Variants in NIN observed in about 807,000 individuals in gnomAD.
The protein encoded by NIN is glycogen synthase kinase 3 beta-interacting protein.
Under a neutral mutation model 257.6 loss-of-function variants are expected in NIN, and 137 were observed. The ratio of observed to expected loss-of-function variants is 0.53; its 90% CI spans 0.46 to 0.61. NIN has a LOEUF of 0.61. NIN is among the 20% of genes least tolerant of loss of function. The pLI, the probability that NIN is intolerant of heterozygous loss-of-function variation, is 0.00. For missense variants in NIN, 2,439 were observed against 2,501.2 expected (o/e 0.98, Z 0.53); for synonymous variants, 918 against 919.8 (o/e 1.00, Z 0.04).
chr14:50,751,722 T>C (rs1362065151), intron 21 of NIN, among the ~76,000 whole-genome samples: 1 of 152,188 alleles, frequency 6.6e-6, no homozygotes, highest in East Asian at 1.9e-4. Flanking sequence ...AGATGGAGTC[T>C]TGTTATGTTG....
chr14:50,795,930 G>A (rs2043818319), intron 4 of NIN, among the ~76,000 whole-genome samples: 1 of 152,202 alleles, frequency 6.6e-6, no homozygotes, highest in African/African-American at 2.4e-5. Context: ...AGTGAGCCGA[G>A]ACTGCGCCAC....
intron 2 of NIN, among the ~76,000 whole-genome samples, chr14:50,824,645 A>G (rs183599131): frequency 1.8e-3 from 280 of 152,242 alleles, no homozygotes; most frequent in Non-Finnish European, 2.9e-3. Context: ...TATTTCTTTT[A>G]TATCTTCCCC....
At chr14:50,804,050 C>T (rs2044214745) in intron 4 of NIN, among the ~76,000 whole-genome samples, 1 of 152,042 alleles carries the variant, frequency 6.6e-6, no homozygotes, top group African/African-American at 2.4e-5. Context: ...TGCCTGCCAC[C>T]ACACCTGGCT....
intron 4 of NIN, among the ~76,000 whole-genome samples, chr14:50,799,027 C>T (rs995778567): frequency 7.9e-5 from 12 of 152,202 alleles, no homozygotes; most frequent in Admixed American, 4.6e-4. Context: ...CCATCTGCCT[C>T]GGCCTCCCAA....
chr14:50,762,300 A>G (rs1351756013), intron 15 of NIN, among the ~76,000 whole-genome samples: 1 of 152,170 alleles, frequency 6.6e-6, no homozygotes, highest in Non-Finnish European at 1.5e-5. Flanking sequence ...TACCCATCCA[A>G]CAAATACTGA....
intron 4 of NIN, among the ~76,000 whole-genome samples, chr14:50,805,072 A>T (rs2044262140): frequency 6.6e-6 from 1 of 152,230 alleles, no homozygotes. Context: ...AAATGGCAGC[A>T]GGAGGATCAT....
chr14:50,752,480 T>A, intron 21 of NIN, 38 bp downstream of exon 21: 1 of 1,449,436 alleles, frequency 6.9e-7, no homozygotes, highest in Non-Finnish European at 9.6e-7. Context: ...TTCTTGGGAT[T>A]TCCTCAAAAA....
chr14:50,758,001 G>A lies in NIN; in HGVS notation c.3029C>T (p.Thr1010Ile). 6.2e-7 allele frequency: 1 copy of A among 1,614,194 alleles called. No individual in the cohort carries two copies. The highest frequency in any genetic ancestry group is 8.5e-7 in the Non-Finnish European group (1 of 1,180,038). Residue 1010 changes from threonine to isoleucine, a missense_variant, in exon 18 of 31, where the codon ACA (threonine) becomes ATA (isoleucine). Physicochemically the swap from Thr to Ile is moderately conservative, Grantham distance 89. Transcript: ENST00000530997. ...TTTACTCTGAAGTCTGGAGATTTCTGTGCTCATCTCGGCTCTTTCTCGATC... is the reference window on the plus strand; with the variant it reads ...TTTACTCTGAAGTCTGGAGATTTCTATGCTCATCTCGGCTCTTTCTCGATC... ...TADRERAEMS[T>I]EISRLQSKIK...
chr14:50,747,960 T>G (rs923773588), intron 22 of NIN, 32 bp downstream of exon 22: 1 of 1,438,388 alleles, frequency 7.0e-7, no homozygotes, highest in African/African-American at 1.4e-5. Context: ...CATATTGTTC[T>G]GTGAACCCCC....
chr14:50,753,887 T>C (rs1342952538), intron 20 of NIN, among the ~76,000 whole-genome samples: 1 of 152,224 alleles, frequency 6.6e-6, no homozygotes, highest in African/African-American at 2.4e-5. Context: ...TATTCTTTTT[T>C]TTTTCTGTGA....
intron 4 of NIN, chr14:50,805,983 C>G (rs1297194470): frequency 2.0e-5 from 3 of 152,092 alleles, no homozygotes; most frequent in African/African-American, 7.2e-5. Context: ...TACACATCTA[C>G]CATATTTCAT....
At chr14:50,784,877 C>T (rs8009410) in intron 5 of NIN, among the ~76,000 whole-genome samples, 2,891 of 152,314 alleles carry the variant, frequency 0.019, 102 homozygotes, top group African/African-American at 0.067. Flanking sequence ...CCCTAGGCAG[C>T]CACGGCTCGC....
At chr14:50,756,236 G>A (rs2042021062) in intron 18 of NIN, among the ~76,000 whole-genome samples, 1 of 152,098 alleles carries the variant, frequency 6.6e-6, no homozygotes, top group Non-Finnish European at 1.5e-5. Flanking sequence ...GGATGCACAT[G>A]GTTAAACAGC....
intron 4 of NIN, among the ~76,000 whole-genome samples, chr14:50,802,489 C>G (rs188568260): frequency 2.6e-3 from 393 of 152,236 alleles, no homozygotes; most frequent in Non-Finnish European, 4.2e-3. Flanking sequence ...CCCATGAGAG[C>G]TTTGTTTTTA....
chr14:50,754,528 C>T (rs766250800), intron 20 of NIN, 35 bp downstream of exon 20: 1 of 1,550,646 alleles, frequency 6.4e-7, no homozygotes, highest in South Asian at 1.2e-5. Flanking sequence ...ATTTTGGAAT[C>T]AAAAAACATT....
chr14:50,787,984 A>G (rs1047387973), intron 5 of NIN, among the ~76,000 whole-genome samples: 3 of 152,046 alleles, frequency 2.0e-5, no homozygotes, highest in Non-Finnish European at 4.4e-5. Flanking sequence ...GGGGGAAGGG[A>G]TTTCCATCTG....
chr14:50,727,380 T>C, intron 29 of NIN: 2 of 1,017,792 alleles, frequency 2.0e-6, no homozygotes, highest in Non-Finnish European at 2.4e-6. Flanking sequence ...TTACAACATA[T>C]GGAATGAGAA....
Position 50,772,364 on chromosome 14 carries a change from A to G in NIN, c.918T>C (p.Ser306=), listed in dbSNP as rs1205674929. The G allele has an allele frequency of 1.2e-6, 2 of 1,614,080 alleles. No homozygotes were observed. The highest frequency in any genetic ancestry group is 8.5e-7 in the Non-Finnish European group (1 of 1,179,934). Residue 306 remains serine, a synonymous_variant, in exon 9 of 31, where the codon TCT becomes TCC. Coordinates refer to ENST00000530997, the MANE Select transcript of NIN (RefSeq NM_020921.4). ...GCCAGGTGTCCAGTATTCTCTCCAC[A>G]GATGCATGGCCCATCCCATCATCCA... ...SCLDDGMGHA[S]VERILDTWQE...
chr14:50,729,832 C>T, intron 28 of NIN, 109 bp from the exon 29 acceptor site: 1 of 788,596 alleles, frequency 1.3e-6, no homozygotes, highest in Non-Finnish European at 1.9e-6. Context: ...TTAATAACCC[C>T]AGACCCACTG....
Sources: allele counts gnomAD v4.1 joint callset (sites outside exome capture counted in the v4.1 genomes callset), GRCh38; gene constraint gnomAD v4.1.1; transcripts MANE v1.5; gene names NCBI Gene and HGNC (gene_info 2026-07-23, HGNC 2026-07-21).